The following CNTN4 variants were observed in gnomAD, a reference collection of about 807,000 sequenced individuals.
CNTN4 encodes the protein contactin-4.
CNTN4 carries 77 observed loss-of-function variants against 122.5 expected under a neutral mutation model. That is an observed-to-expected ratio of 0.63 (90% CI 0.52 to 0.76). CNTN4 has a LOEUF of 0.76. Ranked by LOEUF, CNTN4 falls within the 30% of genes least tolerant of loss-of-function variation. The pLI is 0.00. For missense variants in CNTN4, 1,256 were observed against 1,259.1 expected, an observed-to-expected ratio of 1.00 and a Z score of 0.04; for synonymous variants, 512 against 447.0, an observed-to-expected ratio of 1.15 and a Z score of -1.83.
chr3:2,150,627 C>A (rs2035456586), intron 2 of CNTN4, among the ~76,000 whole-genome samples: 1 of 152,150 alleles, frequency 6.6e-6, no homozygotes, highest in Non-Finnish European at 1.5e-5. Flanking sequence ...CTTGCTTGTT[C>A]ATTTTATGCA....
rs191658696 is a variant in CNTN4, at chr3:2,890,487, C to T, written c.940+3263C>T. On this transcript the variant is annotated intron_variant, in intron 10 of 24. Coordinates refer to ENST00000418658, the MANE Select transcript of CNTN4 (RefSeq NM_175607.3). The stretch of plus-strand genomic sequence containing the variant: ...AAACCATGGGTTTGAGCTTAGAAAC[C>T]TGCTTCTTTGGGTTCCAGGTTGTTT... Among the ~76,000 whole-genome samples the T allele has an allele frequency of 2.4e-3, 366 of 152,296 alleles. 4 individuals carry two copies. Among genetic ancestry groups the T allele is most frequent in the Admixed American group, 5.7e-3 (88 of 15,308 alleles).
intron 2 of CNTN4, among the ~76,000 whole-genome samples, chr3:2,321,052 T>A (rs1018809807): frequency 6.6e-6 from 1 of 152,132 alleles, no homozygotes; most frequent in African/African-American, 2.4e-5. Context: ...CCTTGTTGGG[T>A]GGCTGAATTC....
intron 12 of CNTN4, among the ~76,000 whole-genome samples, chr3:2,907,557 A>G (rs2094250828): frequency 7.1e-6 from 1 of 140,292 alleles, no homozygotes; most frequent in African/African-American, 2.7e-5. Flanking sequence ...TGGGTGACAG[A>G]GTGAGACTGT....
chr3:2,287,650 A>C (rs190706093), intron 2 of CNTN4, among the ~76,000 whole-genome samples: 1 of 26,176 alleles, frequency 3.8e-5, no homozygotes. Flanking sequence ...GAAGAAGAAG[A>C]AGAAGAAGAA....
At chr3:2,227,646 A>G (rs574337985) in intron 2 of CNTN4, among the ~76,000 whole-genome samples, 1 of 152,282 alleles carries the variant, frequency 6.6e-6, no homozygotes, top group African/African-American at 2.4e-5. Context: ...TAATAAGAAC[A>G]CAGAGAAGAG....
chr3:2,412,379 G>A (rs868285666), intron 3 of CNTN4, among the ~76,000 whole-genome samples: 3 of 151,990 alleles, frequency 2.0e-5, no homozygotes, highest in African/African-American at 4.8e-5. Context: ...AGCCTCCCGA[G>A]TAGCTGGGAT....
intron 4 of CNTN4, among the ~76,000 whole-genome samples, chr3:2,572,563 C>A (rs1041933201): frequency 6.6e-6 from 1 of 152,134 alleles, no homozygotes; most frequent in Admixed American, 6.5e-5. Context: ...TCATTCCACG[C>A]CCCTTTGAAA....
rs185901544 is a variant in CNTN4, at chr3:2,568,724, A to T, written c.-88-2692A>T. ...GCCCACTGACAAATTACTGTCCACG[A>T]CCCCATTATTTCTGATTAGCAAAGG... On this transcript the variant is annotated intron_variant, in intron 3 of 24. Transcript: ENST00000418658. Among the ~76,000 whole-genome samples the T allele has an allele frequency of 1.5e-3, 223 of 152,294 alleles. 1 individual carries two copies. The highest frequency in any genetic ancestry group is 0.012 in the South Asian group (60 of 4,834).
intron 4 of CNTN4, among the ~76,000 whole-genome samples, chr3:2,631,889 CAA>C (rs1559327701): frequency 2.5e-5 from 3 of 118,752 alleles, no homozygotes; most frequent in Admixed American, 9.5e-5. Context: ...CAAAAAAAAA[CAA>C]CAACTAAAAA....
intron 2 of CNTN4, among the ~76,000 whole-genome samples, chr3:2,203,524 G>A (rs1409788702): frequency 1.3e-5 from 2 of 151,994 alleles, no homozygotes; most frequent in Non-Finnish European, 2.9e-5. Flanking sequence ...ATATACCTGG[G>A]TCTTTGGCCA....
At chr3:2,303,669 T>C (rs753703711) in intron 2 of CNTN4, among the ~76,000 whole-genome samples, 3 of 152,212 alleles carry the variant, frequency 2.0e-5, no homozygotes, top group Non-Finnish European at 2.9e-5. Flanking sequence ...ATTAAATTAC[T>C]ACTATAGCAG....
At chr3:2,872,075 G>A (rs2093791601) in intron 8 of CNTN4, among the ~76,000 whole-genome samples, 1 of 152,054 alleles carries the variant, frequency 6.6e-6, no homozygotes, top group East Asian at 1.9e-4. Context: ...TATTAGCACA[G>A]CTGTTGGTTA....
intron 10 of CNTN4, among the ~76,000 whole-genome samples, chr3:2,890,471 G>T (rs1286112898): frequency 1.3e-5 from 2 of 152,168 alleles, no homozygotes; most frequent in South Asian, 4.1e-4. Flanking sequence ...TAAACCATGG[G>T]TTTGAGCTTA....
In CNTN4 at chr3:2,887,955, C is replaced by T. The variant is rs144170252; in HGVS notation, c.940+731C>T. Among the ~76,000 whole-genome samples, 10 of 152,294 alleles carry T rather than the reference C, an allele frequency of 6.6e-5. 1 individual carries two copies. In the East Asian group the frequency reaches 1.9e-3, roughly 29 times the overall value. ...GCCAAATTGGAGCATGCCAGAATCC[C>T]ATCTGTCTGGGATACAGAAAACAAA... On this transcript the variant is annotated intron_variant, in intron 10 of 24. Transcript: ENST00000418658.
chr3:2,405,184 G>C (rs2046988602), intron 3 of CNTN4, among the ~76,000 whole-genome samples: 1 of 152,116 alleles, frequency 6.6e-6, no homozygotes. Flanking sequence ...GGAATTGTTT[G>C]GGGGAGTAAA....
intron 7 of CNTN4, among the ~76,000 whole-genome samples, chr3:2,825,809 C>G (rs1001452229): frequency 1.3e-5 from 2 of 152,128 alleles, no homozygotes; most frequent in African/African-American, 4.8e-5. Context: ...CCACCTGATT[C>G]TGATTCTGCG....
In CNTN4 at chr3:2,541,747, G is replaced by T. The variant is rs564593972; in HGVS notation, c.-88-29669G>T. On this transcript the variant is annotated intron_variant, in intron 3 of 24. Coordinates refer to ENST00000418658, the MANE Select transcript of CNTN4 (RefSeq NM_175607.3). ...GTATATGTCAGATTGTTCTCAGACCGCCAAGGGCAAAAATATGTGCTGAGG... is the reference window on the plus strand; with the variant it reads ...GTATATGTCAGATTGTTCTCAGACCTCCAAGGGCAAAAATATGTGCTGAGG... 6.5e-4 allele frequency among the ~76,000 whole-genome samples: 99 copies of T among 152,182 alleles called. 2 individuals are homozygous for T. In the South Asian group the frequency reaches 0.02, roughly 31 times the overall value.
intron 13 of CNTN4, among the ~76,000 whole-genome samples, chr3:2,946,447 A>G (rs1384013479): frequency 6.6e-6 from 1 of 152,210 alleles, no homozygotes; most frequent in African/African-American, 2.4e-5. Context: ...ATGTAACGTC[A>G]TGTCTCACTG....
At chr3:2,871,101 T>C (rs1382692367) in intron 8 of CNTN4, among the ~76,000 whole-genome samples, 3 of 152,106 alleles carry the variant, frequency 2.0e-5, no homozygotes, top group African/African-American at 7.2e-5. Context: ...GCCATGAGGA[T>C]CCCGAAGCCA....
Sources: allele counts gnomAD v4.1 joint callset (sites outside exome capture counted in the v4.1 genomes callset), GRCh38; gene constraint gnomAD v4.1.1; transcripts MANE v1.5; gene names NCBI Gene and HGNC (gene_info 2026-07-23, HGNC 2026-07-21).